ERLEC1: variants seen among roughly 807,000 people sequenced by gnomAD.
ERLEC1 encodes ER lectin.
ERLEC1 carries 47 observed loss-of-function variants against 68.0 expected under a neutral mutation model. The observed-to-expected ratio is 0.69, with a 90% CI of 0.55 to 0.88. ERLEC1 has a LOEUF of 0.88. Among genes scored for constraint, ERLEC1 ranks in the 40% least tolerant of loss-of-function variants. The pLI, the probability that ERLEC1 is intolerant of heterozygous loss-of-function variation, is 0.00. For synonymous variants in ERLEC1, 225 were observed against 203.2 expected (o/e 1.11, Z -0.91); for missense variants, 567 against 583.8 (o/e 0.97, Z 0.30).
intron 8 of ERLEC1, among the ~76,000 whole-genome samples, chr2:53,802,255 C>T (rs1334345406): frequency 6.6e-6 from 1 of 152,202 alleles, no homozygotes; most frequent in African/African-American, 2.4e-5. Flanking sequence ...TTTCATCTGC[C>T]TACTGGGCAT....
At chr2:53,815,286 G>A (rs2104343395) in intron 13 of ERLEC1, among the ~76,000 whole-genome samples, 1 of 152,160 alleles carries the variant, frequency 6.6e-6, no homozygotes, top group East Asian at 1.9e-4. Context: ...GATTACAGGT[G>A]TGAGCCACCA....
At chr2:53,797,351 T>C (rs1675767844) in intron 3 of ERLEC1, among the ~76,000 whole-genome samples, 164 bp from the exon 4 acceptor site, 1 of 152,240 alleles carries the variant, frequency 6.6e-6, no homozygotes, top group Non-Finnish European at 1.5e-5. Context: ...AAATAATGAA[T>C]AGACTTCAGA....
At chr2:53,800,250 T>C (rs559582445) in intron 6 of ERLEC1, among the ~76,000 whole-genome samples, 9 of 152,252 alleles carry the variant, frequency 5.9e-5, no homozygotes, top group African/African-American at 2.2e-4. Flanking sequence ...AGAATATCAG[T>C]CATTTCTGCT....
intron 10 of ERLEC1, among the ~76,000 whole-genome samples, chr2:53,811,697 A>C (rs1676599705): frequency 6.6e-6 from 1 of 152,214 alleles, no homozygotes; most frequent in South Asian, 2.1e-4. Context: ...ACTTGCCTAA[A>C]GTCAAATAGG....
chr2:53,815,012 T>TG (rs1676800628), intron 13 of ERLEC1, 77 bp downstream of exon 13: 15 of 985,882 alleles, frequency 1.5e-5, no homozygotes, highest in South Asian at 1.3e-4. Context: ...TTTTTTTTTT[T>TG]TTTTGTTTTT....
At position 53,811,770 on chromosome 2, in the gene ERLEC1, ACACTTCAC is replaced by A. The variant is rs1676603276; in HGVS notation, c.1102-1178_1102-1171del. On this transcript the variant is annotated intron_variant, in intron 10 of 13. Transcript: ENST00000185150. ...CTGGCTCCATATCCAACCTCTTAAA[ACACTTCAC>A]TTTGCTGCTCTAATTTCTGCCTATC... is the stretch of plus-strand genomic sequence containing the variant. 2.0e-5 allele frequency among the ~76,000 whole-genome samples: 3 copies of A among 152,286 alleles called. No homozygotes were observed. The South Asian group carries it at 6.2e-4, about 32-fold the overall frequency.
chr2:53,787,282 C>G lies in ERLEC1; in HGVS notation c.72C>G (p.Leu24=). 6.2e-7 allele frequency: 1 copy of G among 1,609,320 alleles called. No individual in the cohort carries two copies. Among genetic ancestry groups the G allele is most frequent in the Non-Finnish European group, 8.5e-7 (1 of 1,179,984 alleles). ...GGPVLLVLCG[L]LEASGGGRAL... Reference sequence around the variant, plus strand: ...CGGTGTTACTGGTCCTCTGCGGCCTCCTGGAGGCGTCCGGCGGCGGCCGAG... The same window carrying G: ...CGGTGTTACTGGTCCTCTGCGGCCTGCTGGAGGCGTCCGGCGGCGGCCGAG... The change falls in exon 1 of 14, where the codon CTC becomes CTG. Residue 24 remains leucine (L), a synonymous_variant. Coordinates refer to ENST00000185150, the MANE Select transcript of ERLEC1 (RefSeq NM_015701.5).
intron 12 of ERLEC1, 64 bp from the exon 13 acceptor site, chr2:53,814,796 A>T: frequency 1.6e-6 from 2 of 1,248,644 alleles, no homozygotes; most frequent in South Asian, 1.3e-5. Flanking sequence ...TTAAGAGTAC[A>T]GTTATTAACA....
At chr2:53,796,083 C>T (rs1437070165) in intron 3 of ERLEC1, 70 bp downstream of exon 3, 10 of 1,062,872 alleles carry the variant, frequency 9.4e-6, no homozygotes, top group African/African-American at 1.7e-5. Flanking sequence ...TTGAAAATAC[C>T]GTTTCTTCTT....
intron 1 of ERLEC1, 109 bp downstream of exon 1, chr2:53,787,481 C>G: frequency 7.6e-7 from 1 of 1,324,108 alleles, no homozygotes; most frequent in Non-Finnish European, 1.0e-6. Context: ...TCTGCAGACT[C>G]TTACCTTCCC....
intron 3 of ERLEC1, among the ~76,000 whole-genome samples, chr2:53,796,726 A>T (rs1239052132): frequency 1.3e-5 from 2 of 152,144 alleles, no homozygotes; most frequent in Non-Finnish European, 2.9e-5. Context: ...CTAGAATTAC[A>T]GGCGTGAGCG....
chr2:53,815,630 C>A (rs948990314), intron 13 of ERLEC1, among the ~76,000 whole-genome samples: 1 of 152,030 alleles, frequency 6.6e-6, no homozygotes, highest in Admixed American at 6.6e-5. Context: ...TTAGTTTTGT[C>A]TCTTTTTTGG....
intron 8 of ERLEC1, among the ~76,000 whole-genome samples, chr2:53,805,425 C>T (rs951697558): frequency 7.9e-5 from 12 of 151,608 alleles, no homozygotes; most frequent in African/African-American, 2.7e-4. Context: ...GCTATGTTGC[C>T]CGGGCTGGTT....
Position 53,814,722 on chromosome 2 carries a change from G to T in ERLEC1, c.1304+102G>T, listed in dbSNP as rs1676771699. On this transcript the variant is annotated intron_variant, in intron 12 of 13. Transcript: ENST00000185150. ...AGTATAATTATGAATAATTATGAAA[G>T]TATACCATTTAAATTATTGATAAAA... 4.1e-5 allele frequency: 42 copies of T among 1,018,104 alleles called. No homozygotes were observed. The Middle Eastern group carries it at 7.6e-4, about 18-fold the overall frequency. The allele number at this position is 1,018,104 out of a possible 1,614,324, so 63.1% of individuals were successfully genotyped here. A position where few individuals can be genotyped will look rare whatever the true frequency, so the allele number is the denominator to read the frequency against.
chr2:53,814,588 T>A lies in ERLEC1; in HGVS notation c.1272T>A (p.Thr424=). The A allele has an allele frequency of 6.2e-7, 1 of 1,612,044 alleles. No individual in the cohort carries two copies. The highest frequency in any genetic ancestry group is 8.5e-7 in the Non-Finnish European group (1 of 1,178,678). ...FYGNGDICDI[T]DKPRQVTVKL... is the part of the protein sequence containing the mutation. ...GAAATGGAGATATTTGTGATATAAC[T>A]GACAAACCAAGACAGGTGACTGTAA... Residue 424 remains threonine, a synonymous_variant, in exon 12 of 14, where the codon ACT becomes ACA. Coordinates refer to ENST00000185150, the MANE Select transcript of ERLEC1 (RefSeq NM_015701.5).
intron 5 of ERLEC1, among the ~76,000 whole-genome samples, 197 bp from the exon 6 acceptor site, chr2:53,798,850 G>A (rs1675856551): frequency 6.6e-6 from 1 of 151,848 alleles, no homozygotes; most frequent in South Asian, 2.1e-4. Context: ...AGTATTTCCT[G>A]GGTAAAGATT....
At chr2:53,796,469 T>C (rs2104290933) in intron 3 of ERLEC1, among the ~76,000 whole-genome samples, 2 of 152,228 alleles carry the variant, frequency 1.3e-5, no homozygotes, top group Middle Eastern at 6.8e-3. Flanking sequence ...TCTTTGCTTT[T>C]TTCTTTTTGA....
chr2:53,814,820 A>G, intron 12 of ERLEC1, 40 bp from the exon 13 acceptor site: 1 of 1,455,782 alleles, frequency 6.9e-7, no homozygotes, highest in Non-Finnish European at 9.6e-7. Context: ...ATCTTACTTT[A>G]AATGATTTGG....
chr2:53,799,687 G>C (rs1037808336), intron 6 of ERLEC1, among the ~76,000 whole-genome samples: 2 of 152,036 alleles, frequency 1.3e-5, no homozygotes, highest in African/African-American at 4.8e-5. Context: ...CTTATTAATA[G>C]AGGATATTTC....
Sources: gnomAD v4.1 joint callset for allele counts (sites outside exome capture counted in the v4.1 genomes callset) on GRCh38, gnomAD v4.1.1 for gene constraint, MANE v1.5 for transcripts, NCBI Gene and HGNC (gene_info 2026-07-23, HGNC 2026-07-21) for gene names.